CSMD3: variants seen among roughly 807,000 people sequenced by gnomAD.
CSMD3 encodes CUB and Sushi multiple domains 3, also known as CUB and sushi domain-containing protein 3.
In CSMD3, 177 loss-of-function variants were observed where a neutral mutation model predicts 435.2. The observed-to-expected ratio is 0.41, with a 90% CI of 0.36 to 0.46. CSMD3 has a LOEUF of 0.46. Ranked by LOEUF, CSMD3 falls within the 20% of genes least tolerant of loss-of-function variation. The pLI is 0.34. For synonymous variants in CSMD3, 1,656 were observed against 1,520.5 expected (o/e 1.09, Z -2.07); for missense variants, 4,265 against 4,504.6 (o/e 0.95, Z 1.52).
intron 32 of CSMD3, among the ~76,000 whole-genome samples, chr8:112,432,671 G>T (rs2130412320): frequency 6.6e-6 from 1 of 152,106 alleles, no homozygotes; most frequent in East Asian, 1.9e-4. Context: ...GACTAGTAAG[G>T]TATAGGATAG....
intron 25 of CSMD3, among the ~76,000 whole-genome samples, chr8:112,556,374 T>G (rs1264058635): frequency 6.6e-6 from 1 of 152,012 alleles, no homozygotes; most frequent in Non-Finnish European, 1.5e-5. Context: ...TACTGTTTTC[T>G]CTAATCCACC....
chr8:112,276,399 CT>C (rs1818047006), intron 59 of CSMD3, among the ~76,000 whole-genome samples: 1 of 152,212 alleles, frequency 6.6e-6, no homozygotes, highest in Non-Finnish European at 1.5e-5. Context: ...CAGTGACCCT[CT>C]TCTCACAGCT....
At chr8:112,801,484 GA>G (rs1563974371) in intron 12 of CSMD3, among the ~76,000 whole-genome samples, 1 of 151,974 alleles carries the variant, frequency 6.6e-6, no homozygotes, top group African/African-American at 2.4e-5. Context: ...TTACACTGAA[GA>G]ACACCATAAG....
In CSMD3 at chr8:112,237,277, T is replaced by C; in HGVS notation, c.10540A>G (p.Met3514Val). 3.1e-6 allele frequency: 5 copies of C among 1,613,540 alleles called. No homozygotes were observed. Among genetic ancestry groups the C allele is most frequent in the Non-Finnish European group, 4.2e-6 (5 of 1,179,566 alleles). The change falls in exon 67 of 71, where the codon ATG becomes GTG. Residue 3514 changes from methionine to valine, a missense_variant. Coordinates refer to ENST00000297405, the MANE Select transcript of CSMD3 (RefSeq NM_198123.2). Reference protein sequence around the residue: ...SYNFKGRKQPMTLTVTSFNAS... With the variant: ...SYNFKGRKQPVTLTVTSFNAS... ...TTGAAACTAGTAACTGTTAAGGTCA[T>C]GGGTTGTTTCCTTCCTTTGAAATTG...
chr8:113,078,237 T>A (rs1354855395), intron 5 of CSMD3, among the ~76,000 whole-genome samples: 1 of 152,228 alleles, frequency 6.6e-6, no homozygotes, highest in African/African-American at 2.4e-5. Flanking sequence ...ACAGCTGTAC[T>A]GAGTGGTTCT....
At chr8:112,654,766 A>G in intron 18 of CSMD3, among the ~76,000 whole-genome samples, 1 of 152,172 alleles carries the variant, frequency 6.6e-6, no homozygotes, top group Non-Finnish European at 1.5e-5. Context: ...TGTTTTTGGT[A>G]AAGACCACAT....
At chr8:112,449,557 T>C (rs1306240254) in intron 32 of CSMD3, among the ~76,000 whole-genome samples, 1 of 152,216 alleles carries the variant, frequency 6.6e-6, no homozygotes, top group Non-Finnish European at 1.5e-5. Flanking sequence ...CTGACGCCTG[T>C]GCCCTTTGCA....
intron 5 of CSMD3, among the ~76,000 whole-genome samples, chr8:113,036,535 G>A (rs952302072): frequency 6.6e-6 from 1 of 151,896 alleles, no homozygotes; most frequent in Non-Finnish European, 1.5e-5. Flanking sequence ...ATTTTATAAG[G>A]AGAATGTGTA....
At chr8:113,201,668 A>T (rs1284202644) in intron 3 of CSMD3, among the ~76,000 whole-genome samples, 2 of 152,036 alleles carry the variant, frequency 1.3e-5, no homozygotes, top group African/African-American at 4.8e-5. Flanking sequence ...GGCTATTACT[A>T]CAACCAGAGC....
chr8:112,934,811 T>C (rs2083227850), intron 9 of CSMD3, among the ~76,000 whole-genome samples: 1 of 152,176 alleles, frequency 6.6e-6, no homozygotes. Flanking sequence ...ACTTTGCACG[T>C]CACTCTGTGA....
intron 13 of CSMD3, among the ~76,000 whole-genome samples, chr8:112,699,117 G>C (rs564300140): frequency 1.3e-5 from 2 of 152,058 alleles, no homozygotes; most frequent in African/African-American, 2.4e-5. Flanking sequence ...GCAGCAACCC[G>C]CTCGCGTCCC....
chr8:113,334,106 C>T (rs542713510), intron 1 of CSMD3, among the ~76,000 whole-genome samples: 17 of 151,878 alleles, frequency 1.1e-4, no homozygotes, highest in Non-Finnish European at 2.1e-4. Context: ...CTGATATTTG[C>T]TTTGTATCTG....
intron 24 of CSMD3, among the ~76,000 whole-genome samples, chr8:112,566,412 T>C (rs748067828): frequency 6.6e-6 from 1 of 152,110 alleles, no homozygotes. Context: ...TTGAACATTA[T>C]GATAATGACC....
Position 112,224,526 on chromosome 8 carries a change from A to T in CSMD3, c.*245T>A, listed in dbSNP as rs1021557016. The T allele has an allele frequency of 2.8e-5, 15 of 532,700 alleles. No homozygotes were observed. The highest frequency in any genetic ancestry group is 3.7e-5 in the Non-Finnish European group (11 of 295,262). 33.0% of individuals were successfully genotyped at this position (532,700 alleles called of 1,614,324 possible). On this transcript the variant is annotated 3_prime_UTR_variant, in exon 71 of 71. Coordinates refer to ENST00000297405, the MANE Select transcript of CSMD3 (RefSeq NM_198123.2). ...TATATTTTAGAATAATCTCCTTTTT[A>T]AAAAAAGCAAATAAACTGTGAGTAA... is the stretch of plus-strand genomic sequence containing the variant.
intron 10 of CSMD3, among the ~76,000 whole-genome samples, chr8:112,894,259 T>C (rs1048117975): frequency 2.0e-5 from 3 of 151,532 alleles, no homozygotes; most frequent in Middle Eastern, 3.4e-3. Flanking sequence ...CCAGATGGCA[T>C]TGAAATGGTG....
intron 1 of CSMD3, among the ~76,000 whole-genome samples, chr8:113,324,091 G>A (rs2132722073): frequency 6.6e-6 from 1 of 152,288 alleles, no homozygotes; most frequent in South Asian, 2.1e-4. Flanking sequence ...TGACTTGGGT[G>A]TTGTTAAAGG....
chr8:112,404,075 T>TG (rs1470887854), intron 35 of CSMD3, among the ~76,000 whole-genome samples: 2 of 151,960 alleles, frequency 1.3e-5, no homozygotes, highest in Non-Finnish European at 2.9e-5. Flanking sequence ...GGGGTGGGAG[T>TG]GGCGATATCA....
chr8:112,442,810 T>C, intron 32 of CSMD3, among the ~76,000 whole-genome samples: 1 of 152,178 alleles, frequency 6.6e-6, no homozygotes, highest in South Asian at 2.1e-4. Flanking sequence ...CATTTCACCT[T>C]TCCCACAAAC....
In CSMD3 at chr8:112,638,728, A is replaced by G. The variant is rs1411982033; in HGVS notation, c.3494T>C (p.Ile1165Thr). ...AQLRFISDFS[I>T]SYEGFNITFS... ...TGTTATGTTAAATCCTTCATATGAT[A>G]TTGAAAAATCTGAAATGAAACGCAA... Residue 1165 changes from isoleucine to threonine, a missense_variant, in exon 21 of 71, where the codon ATA (isoleucine) becomes ACA (threonine). Physicochemically the swap from Ile to Thr is moderately conservative, Grantham distance 89 (BLOSUM62 -1). Transcript: ENST00000297405. 1.2e-6 allele frequency: 2 copies of G among 1,601,756 alleles called. No homozygotes were observed. Among genetic ancestry groups the G allele is most frequent in the Non-Finnish European group, 1.7e-6 (2 of 1,169,222 alleles).
Sources: gnomAD v4.1 joint callset for allele counts (sites outside exome capture counted in the v4.1 genomes callset) on GRCh38, gnomAD v4.1.1 for gene constraint, MANE v1.5 for transcripts, NCBI Gene and HGNC (gene_info 2026-07-23, HGNC 2026-07-21) for gene names.